Variants in DENND5B observed in about 807,000 individuals in gnomAD.
The protein encoded by DENND5B is DENN domain containing 5B, also known as DENN domain-containing protein 5B.
DENND5B carries 34 observed loss-of-function variants against 140.6 expected under a neutral mutation model. The observed-to-expected ratio is 0.24, with a 90% CI of 0.18 to 0.32. The LOEUF (loss-of-function observed/expected upper bound fraction) is 0.32. Ranked by LOEUF, DENND5B falls within the 10% of genes least tolerant of loss-of-function variation. The pLI is 1.00. For synonymous variants in DENND5B, 551 were observed against 562.1 expected, an observed-to-expected ratio of 0.98 and a Z score of 0.28; for missense variants, 1,142 against 1,560.2, an observed-to-expected ratio of 0.73 and a Z score of 4.52.
At chr12:31,409,493 TTTTA>T in intron 13 of DENND5B, 109 bp from the exon 14 acceptor site, 1 of 1,203,090 alleles carries the variant, frequency 8.3e-7, no homozygotes, top group Non-Finnish European at 1.1e-6. Context: ...TTTTTTTTTT[TTTTA>T]AACAGAGTTT....
chr12:31,428,940 C>T (rs1056276229), intron 8 of DENND5B, among the ~76,000 whole-genome samples: 1 of 151,722 alleles, frequency 6.6e-6, no homozygotes, highest in Non-Finnish European at 1.5e-5. Context: ...ACTGTGTTAG[C>T]CAGGATGGTC....
rs557982551 is a variant in DENND5B, at chr12:31,554,659, A to T, written c.127+36047T>A. On this transcript the variant is annotated intron_variant, in intron 1 of 20. Transcript: ENST00000389082. The stretch of plus-strand genomic sequence containing the variant: ...CCTATATCCTGCAGAGTGTTTTCCA[A>T]CTTGGTTCCATTCTCCCCGTCACTT... 3.9e-4 allele frequency among the ~76,000 whole-genome samples: 60 copies of T among 152,240 alleles called. 1 individual carries two copies. Among genetic ancestry groups the T allele is most frequent in the South Asian group, 2.1e-4 (1 of 4,822 alleles).
At chr12:31,546,192 C>A (rs1948855658) in intron 1 of DENND5B, among the ~76,000 whole-genome samples, 2 of 151,790 alleles carry the variant, frequency 1.3e-5, no homozygotes, top group South Asian at 4.1e-4. Flanking sequence ...CATATAATAA[C>A]AAATCTAGGT....
At chr12:31,414,340 T>A (rs562647341) in intron 12 of DENND5B, among the ~76,000 whole-genome samples, 3 of 152,318 alleles carry the variant, frequency 2.0e-5, no homozygotes, top group African/African-American at 7.2e-5. Context: ...CTTGAAGTCT[T>A]CTAAAGATTT....
At chr12:31,547,833 T>C (rs550562300) in intron 1 of DENND5B, among the ~76,000 whole-genome samples, 4 of 152,156 alleles carry the variant, frequency 2.6e-5, no homozygotes, top group African/African-American at 9.6e-5. Context: ...GCCTCCCAAG[T>C]AGCTGGGATT....
rs1021721057 is a variant in DENND5B at position 31,547,553 on chromosome 12, C to A, written c.127+43153G>T. Among the ~76,000 whole-genome samples, 4 of 152,080 alleles carry A rather than the reference C, an allele frequency of 2.6e-5. 1 individual carries two copies. The highest frequency in any genetic ancestry group is 3.4e-3 in the Middle Eastern group (1 of 294). On this transcript the variant is annotated intron_variant, in intron 1 of 20. Transcript: ENST00000389082. The stretch of plus-strand genomic sequence containing the variant: ...AGCTGGAACTACAGACACATGCCAC[C>A]AAGCTGGCTAATTTTTGTATTTTTA...
At chr12:31,494,674 T>A in intron 2 of DENND5B, among the ~76,000 whole-genome samples, 1 of 152,148 alleles carries the variant, frequency 6.6e-6, no homozygotes, top group Non-Finnish European at 1.5e-5. Flanking sequence ...ACTTTGTAAC[T>A]TCACTTCAGC....
intron 8 of DENND5B, 119 bp from the exon 9 acceptor site, chr12:31,426,543 C>T (rs1252232508): frequency 3.6e-6 from 4 of 1,115,770 alleles, no homozygotes; most frequent in Non-Finnish European, 4.9e-6. Flanking sequence ...AGTGTATGTG[C>T]ATATAACAAC....
chr12:31,539,811 C>T (rs1370541655), intron 1 of DENND5B, among the ~76,000 whole-genome samples: 1 of 151,830 alleles, frequency 6.6e-6, no homozygotes, highest in African/African-American at 2.4e-5. Flanking sequence ...CCTCTGAGAT[C>T]TGGAATACAA....
At chr12:31,529,325 C>A (rs76480705) in intron 1 of DENND5B, among the ~76,000 whole-genome samples, 7 of 152,064 alleles carry the variant, frequency 4.6e-5, no homozygotes, top group Non-Finnish European at 1.0e-4. Flanking sequence ...TGGATGGACC[C>A]AGCAGTTCTC....
chr12:31,560,436 A>C (rs1359764173), intron 1 of DENND5B, among the ~76,000 whole-genome samples: 2 of 152,060 alleles, frequency 1.3e-5, no homozygotes, highest in Non-Finnish European at 2.9e-5. Flanking sequence ...ACATCTCACT[A>C]TCTCCACTGC....
In DENND5B at chr12:31,477,071, T is replaced by C. The variant is rs142320939; in HGVS notation, c.904+2518A>G. On this transcript the variant is annotated intron_variant, in intron 3 of 20. Coordinates refer to ENST00000389082, the MANE Select transcript of DENND5B (RefSeq NM_144973.4). The stretch of plus-strand genomic sequence containing the variant: ...GTGAAAACCCTGTCTCTACTAAAAA[T>C]ACAAAAATCAGCTGGGTGTGGTGGT... 8.0e-3 allele frequency among the ~76,000 whole-genome samples: 1,220 copies of C among 151,680 alleles called. 7 individuals carry two copies. Among genetic ancestry groups the C allele is most frequent in the Non-Finnish European group, 0.013 (888 of 67,908 alleles).
chr12:31,512,925 A>T (rs941966350), intron 1 of DENND5B, among the ~76,000 whole-genome samples: 2 of 152,330 alleles, frequency 1.3e-5, no homozygotes, highest in Admixed American at 6.5e-5. Context: ...TATTAGCGAA[A>T]GTCTAAACTT....
intron 2 of DENND5B, among the ~76,000 whole-genome samples, chr12:31,493,144 T>C (rs1438595954): frequency 1.3e-5 from 2 of 151,508 alleles, no homozygotes. Context: ...GTTTTTCTTT[T>C]GGGAAGGCAG....
chr12:31,491,488 A>C (rs1489140442), intron 2 of DENND5B, among the ~76,000 whole-genome samples: 1 of 152,102 alleles, frequency 6.6e-6, no homozygotes, highest in Non-Finnish European at 1.5e-5. Flanking sequence ...CTGCACTCCA[A>C]TCTGGGAGAC....
intron 1 of DENND5B, among the ~76,000 whole-genome samples, chr12:31,538,971 TG>T (rs1181101609): frequency 3.4e-5 from 5 of 145,624 alleles, no homozygotes; most frequent in African/African-American, 1.3e-4. Context: ...TTTTTTTTTT[TG>T]AAAAAAAAAA....
chr12:31,555,364 C>T (rs1208448467), intron 1 of DENND5B, among the ~76,000 whole-genome samples: 3 of 152,226 alleles, frequency 2.0e-5, no homozygotes, highest in South Asian at 2.1e-4. Context: ...GGCTGCAGAA[C>T]AGCGGATATT....
intron 15 of DENND5B, 144 bp from the exon 16 acceptor site, chr12:31,399,916 A>G: frequency 1.7e-6 from 1 of 587,584 alleles, no homozygotes; most frequent in Non-Finnish European, 3.1e-6. Context: ...AGAGAAATAT[A>G]TTCACATATA....
intron 5 of DENND5B, among the ~76,000 whole-genome samples, chr12:31,449,952 C>T (rs1401898489): frequency 6.6e-6 from 1 of 151,976 alleles, no homozygotes; most frequent in Non-Finnish European, 1.5e-5. Context: ...AGGATGGTCT[C>T]GATCTCCTGA....
Sources: gnomAD v4.1 joint callset for allele counts (sites outside exome capture counted in the v4.1 genomes callset) on GRCh38, gnomAD v4.1.1 for gene constraint, MANE v1.5 for transcripts, NCBI Gene and HGNC (gene_info 2026-07-23, HGNC 2026-07-21) for gene names.